CDC73: variants seen among roughly 807,000 people sequenced by gnomAD.
CDC73 encodes the protein parafibromin.
A neutral mutation model predicts 83.7 loss-of-function variants in CDC73; 21 were observed. The observed-to-expected ratio is 0.25, with a 90% CI of 0.18 to 0.36. The LOEUF is 0.36. Among genes scored for constraint, CDC73 ranks in the 10% least tolerant of loss-of-function variants. The pLI is 1.00. For synonymous variants in CDC73, 224 were observed against 212.9 expected, an observed-to-expected ratio of 1.05 and a Z score of -0.45; for missense variants, 342 against 653.3, an observed-to-expected ratio of 0.52 and a Z score of 5.19.
chr1:193,143,238 A>C (rs1675936996), intron 7 of CDC73, among the ~76,000 whole-genome samples: 1 of 152,196 alleles, frequency 6.6e-6, no homozygotes, highest in African/African-American at 2.4e-5. Context: ...ATTATAGAGA[A>C]ATCTGAGGAT....
In CDC73 at chr1:193,243,078, T is replaced by C. The variant is rs147200497; in HGVS notation, c.1418-6652T>C. Among the ~76,000 whole-genome samples, 296 of 152,032 alleles carry C rather than the reference T, an allele frequency of 1.9e-3. 1 individual carries two copies. Among genetic ancestry groups the C allele is most frequent in the African/African-American group, 7.1e-3 (293 of 41,498 alleles). ...CCCCTGCCTCAGCCTCCTGAGTAGC[T>C]GGGATTACAGGTGCACGCCACCATG... On this transcript the variant is annotated intron_variant, in intron 15 of 16. Transcript: ENST00000367435.
At chr1:193,213,935 G>C (rs1234032419) in intron 13 of CDC73, among the ~76,000 whole-genome samples, 4 of 152,148 alleles carry the variant, frequency 2.6e-5, no homozygotes. Flanking sequence ...AGTGACATTG[G>C]AACCTGGCTG....
chr1:193,175,013 GGAGA>G (rs1264217896), intron 10 of CDC73, among the ~76,000 whole-genome samples: 1 of 152,040 alleles, frequency 6.6e-6, no homozygotes, highest in East Asian at 1.9e-4. Context: ...AAGTCTCGAG[GGAGA>G]GAGAATAATT....
intron 10 of CDC73, among the ~76,000 whole-genome samples, chr1:193,158,291 A>G (rs540819696): frequency 3.6e-4 from 55 of 152,172 alleles, no homozygotes; most frequent in African/African-American, 1.3e-3. Flanking sequence ...TAAAGAGGGT[A>G]ATAACTAGGT....
chr1:193,132,677 G>C (rs1675716381), intron 3 of CDC73, among the ~76,000 whole-genome samples: 2 of 151,252 alleles, frequency 1.3e-5, no homozygotes, highest in South Asian at 4.2e-4. Flanking sequence ...AACTTTTTAA[G>C]TGATGAGAAT....
At chr1:193,130,869 G>T (rs750405854) in intron 3 of CDC73, among the ~76,000 whole-genome samples, 12 of 152,024 alleles carry the variant, frequency 7.9e-5, no homozygotes, top group Non-Finnish European at 1.8e-4. Flanking sequence ...TCTTCATTTG[G>T]CATTTGGAAC....
intron 10 of CDC73, chr1:193,180,161 TA>T: frequency 2.5e-6 from 2 of 800,670 alleles, no homozygotes; most frequent in Non-Finnish European, 1.8e-6. Context: ...CTTCAGAAAT[TA>T]AAAAAATACT....
At position 193,251,653 on chromosome 1, in the gene CDC73, A is replaced by G; in HGVS notation, c.*941A>G. On this transcript the variant is annotated 3_prime_UTR_variant, in exon 17 of 17. Coordinates refer to ENST00000367435, the MANE Select transcript of CDC73 (RefSeq NM_024529.5). Reference sequence around the variant, plus strand: ...GATAAACTCCCAGGCACCAAAGAAAACATTTGCTTAATTGTCTGAAAAGAA... The same window carrying G: ...GATAAACTCCCAGGCACCAAAGAAAGCATTTGCTTAATTGTCTGAAAAGAA... The G allele has an allele frequency of 4.3e-6, 1 of 232,250 alleles. No individual in the cohort carries two copies. 14.4% of individuals were successfully genotyped at this position (232,250 alleles called of 1,614,324 possible).
intron 1 of CDC73, among the ~76,000 whole-genome samples, chr1:193,123,355 G>A (rs1675500729): frequency 6.6e-6 from 1 of 152,144 alleles, no homozygotes; most frequent in African/African-American, 2.4e-5. Flanking sequence ...AGCCTCCTGA[G>A]TAGCTGAGGT....
At chr1:193,125,078 G>T in intron 1 of CDC73, 34 bp from the exon 2 acceptor site, 1 of 1,043,742 alleles carries the variant, frequency 9.6e-7, no homozygotes, top group Non-Finnish European at 1.5e-6. Flanking sequence ...AATTAGAATT[G>T]TCAGTAAAAA....
intron 13 of CDC73, among the ~76,000 whole-genome samples, chr1:193,220,392 C>T (rs1160942582): frequency 6.6e-6 from 1 of 151,686 alleles, no homozygotes; most frequent in East Asian, 1.9e-4. Flanking sequence ...TCAAACTCTG[C>T]CTGCCTCGGC....
At chr1:193,232,629 G>A (rs1057311801) in intron 13 of CDC73, among the ~76,000 whole-genome samples, 12 of 152,162 alleles carry the variant, frequency 7.9e-5, no homozygotes, top group African/African-American at 2.7e-4. Flanking sequence ...CAGACCGGGC[G>A]TGGTGGCTCA....
At chr1:193,145,163 T>C (rs981555995) in intron 7 of CDC73, among the ~76,000 whole-genome samples, 1 of 152,228 alleles carries the variant, frequency 6.6e-6, no homozygotes, top group Non-Finnish European at 1.5e-5. Context: ...TCACAAATCA[T>C]GCATGGGTAG....
chr1:193,128,865 C>G (rs1343830342), intron 2 of CDC73, among the ~76,000 whole-genome samples: 1 of 152,022 alleles, frequency 6.6e-6, no homozygotes, highest in African/African-American at 2.4e-5. Flanking sequence ...TATAAAGTGA[C>G]AAAGGATTTA....
chr1:193,216,181 A>G (rs1677363094), intron 13 of CDC73, among the ~76,000 whole-genome samples: 1 of 152,182 alleles, frequency 6.6e-6, no homozygotes, highest in South Asian at 2.1e-4. Flanking sequence ...AAATAATACG[A>G]TTAATAGACT....
At chr1:193,165,688 T>A (rs977460619) in intron 10 of CDC73, among the ~76,000 whole-genome samples, 7 of 152,208 alleles carry the variant, frequency 4.6e-5, no homozygotes, top group African/African-American at 1.7e-4. Context: ...TAGAAGAAAA[T>A]AATTAGTCTT....
intron 15 of CDC73, among the ~76,000 whole-genome samples, chr1:193,247,068 A>G (rs957655863): frequency 6.6e-6 from 1 of 152,124 alleles, no homozygotes. Flanking sequence ...GGTACAAGGC[A>G]TAGCTTGTTT....
rs1337028451 is a variant in CDC73 at position 193,254,495 on chromosome 1, C to T, written c.*3783C>T. On this transcript the variant is annotated 3_prime_UTR_variant, in exon 17 of 17. Coordinates refer to ENST00000367435, the MANE Select transcript of CDC73 (RefSeq NM_024529.5). ...GAATTGGAGTGGGAATTTTGAAATG[C>T]CATGTCCTATATATTCTGGCATATT... Among the ~76,000 whole-genome samples the T allele has an allele frequency of 1.3e-5, 2 of 152,026 alleles. No individual in the cohort carries two copies. The highest frequency in any genetic ancestry group is 3.8e-4 in the East Asian group (2 of 5,196).
At chr1:193,217,631 C>G (rs1336175420) in intron 13 of CDC73, among the ~76,000 whole-genome samples, 1 of 152,022 alleles carries the variant, frequency 6.6e-6, no homozygotes, top group African/African-American at 2.4e-5. Flanking sequence ...CTGATATGCT[C>G]CTTTTGACGT....
Sources: allele counts gnomAD v4.1 joint callset (sites outside exome capture counted in the v4.1 genomes callset), GRCh38; gene constraint gnomAD v4.1.1; transcripts MANE v1.5; gene names NCBI Gene and HGNC (gene_info 2026-07-23, HGNC 2026-07-21).